The following PRIM2 variants were observed in gnomAD, a reference collection of about 807,000 sequenced individuals.
The protein encoded by PRIM2 is DNA primase subunit 2.
PRIM2 carries 39 observed loss-of-function variants against 67.3 expected under a neutral mutation model. The ratio of observed to expected loss-of-function variants is 0.58; its 90% CI spans 0.45 to 0.76. The LOEUF is 0.76. Among genes scored for constraint, PRIM2 ranks in the 30% least tolerant of loss-of-function variants. PRIM2 has a pLI of 0.00. For missense variants in PRIM2, 398 were observed against 598.7 expected, an observed-to-expected ratio of 0.66 and a Z score of 3.50; for synonymous variants, 143 against 198.7, an observed-to-expected ratio of 0.72 and a Z score of 2.36.
At chr6:57,225,601 G>A in the PRIM2 span, among the ~76,000 whole-genome samples, 1 of 152,172 alleles carries the variant, frequency 6.6e-6, no homozygotes, top group Non-Finnish European at 1.5e-5. Flanking sequence ...TTAAATGATT[G>A]TTTGAATCTA....
At chr6:57,368,964 C>T (rs1769457675) in intron 5 of PRIM2, among the ~76,000 whole-genome samples, 1 of 152,164 alleles carries the variant, frequency 6.6e-6, no homozygotes, top group Non-Finnish European at 1.5e-5. Flanking sequence ...TCACCAGTTG[C>T]TGCGGCAAAA....
chr6:57,422,069 G>T (rs971024982), intron 7 of PRIM2, among the ~76,000 whole-genome samples: 2 of 150,788 alleles, frequency 1.3e-5, no homozygotes, highest in African/African-American at 4.9e-5. Flanking sequence ...TTCATCAAAC[G>T]TACAGTTTAA....
At chr6:57,381,949 GTTTATAC>G (rs1769971394) in intron 6 of PRIM2, 75 bp from the exon 7 acceptor site, 18 of 1,402,766 alleles carry the variant, frequency 1.3e-5, no homozygotes, top group South Asian at 9.3e-5. Context: ...GAATTTCTTT[GTTTATAC>G]TTTATACATA....
At chr6:57,317,089 T>TG (rs1230389634), upstream of PRIM2, among the ~76,000 whole-genome samples, 2 of 152,236 alleles carry the variant, frequency 1.3e-5, no homozygotes, top group Non-Finnish European at 2.9e-5. Context: ...ACGAGGATCT[T>TG]GTAACTTGTT....
At chr6:57,643,285 G>C (rs1207279543) in intron 13 of PRIM2, among the ~76,000 whole-genome samples, 354 of 152,216 alleles carry the variant, frequency 2.3e-3, no homozygotes, top group Non-Finnish European at 3.8e-3. Context: ...TCTAATCTTT[G>C]TAGCCAAGTT....
At chr6:57,520,694 G>GTA (rs1581967112) in intron 8 of PRIM2, among the ~76,000 whole-genome samples, 1 of 152,096 alleles carries the variant, frequency 6.6e-6, no homozygotes, top group African/African-American at 2.4e-5. Context: ...CGTTTAAAGG[G>GTA]TATAGTTCAA....
the PRIM2 span, among the ~76,000 whole-genome samples, chr6:57,306,670 C>G: frequency 6.6e-6 from 1 of 152,106 alleles, no homozygotes; most frequent in Non-Finnish European, 1.5e-5. Context: ...GAAACCTCAG[C>G]CTCTATTACA....
intron 8 of PRIM2, among the ~76,000 whole-genome samples, chr6:57,511,817 T>G (rs1774375286): frequency 6.6e-6 from 1 of 152,174 alleles, no homozygotes; most frequent in African/African-American, 2.4e-5. Flanking sequence ...ATTTTAAGCT[T>G]GAGATACCTG....
chr6:57,594,878 AG>A, intron 10 of PRIM2, among the ~76,000 whole-genome samples: 1 of 152,360 alleles, frequency 6.6e-6, no homozygotes, highest in African/African-American at 2.4e-5. Flanking sequence ...ATTTGACAAA[AG>A]GCTTGTGTCC....
the PRIM2 span, among the ~76,000 whole-genome samples, chr6:57,225,845 A>C: frequency 6.6e-6 from 1 of 152,200 alleles, no homozygotes; most frequent in Non-Finnish European, 1.5e-5. Flanking sequence ...TCTGGAAAAA[A>C]CTAGTAGAAA....
intron 8 of PRIM2, among the ~76,000 whole-genome samples, chr6:57,521,425 A>G (rs1240333231): frequency 1.9e-4 from 27 of 141,910 alleles, no homozygotes; most frequent in Non-Finnish European, 3.3e-4. Flanking sequence ...TGTGATTGCA[A>G]AAAATAGATA....
the PRIM2 span, among the ~76,000 whole-genome samples, chr6:57,278,129 C>A: frequency 6.6e-6 from 1 of 151,990 alleles, no homozygotes; most frequent in Non-Finnish European, 1.5e-5. Flanking sequence ...GAGTTTGAGA[C>A]CATCCTGGCC....
At chr6:57,247,821 G>A in the PRIM2 span, among the ~76,000 whole-genome samples, 1 of 152,034 alleles carries the variant, frequency 6.6e-6, no homozygotes, top group Non-Finnish European at 1.5e-5. Context: ...CCTACTATTT[G>A]GGCTTTTAAA....
At chr6:57,624,526 ATCT>A (rs1376709156) in intron 12 of PRIM2, among the ~76,000 whole-genome samples, 2 of 152,212 alleles carry the variant, frequency 1.3e-5, no homozygotes, top group East Asian at 3.9e-4. Context: ...GAGGGGAAAG[ATCT>A]TCTGTTGAAG....
chr6:57,418,450 G>A (rs1581887074), intron 7 of PRIM2, among the ~76,000 whole-genome samples: 1 of 128,624 alleles, frequency 7.8e-6, no homozygotes, highest in Non-Finnish European at 1.6e-5. Context: ...AGGCTGGAGT[G>A]CAGTGGCATA....
chr6:57,624,218 T>G (rs1478410760), intron 12 of PRIM2, among the ~76,000 whole-genome samples: 1 of 152,176 alleles, frequency 6.6e-6, no homozygotes, highest in Admixed American at 6.5e-5. Flanking sequence ...TACATGTGTC[T>G]TCTTGTTTGT....
chr6:57,291,133 A>T, the PRIM2 span, among the ~76,000 whole-genome samples: 18 of 152,154 alleles, frequency 1.2e-4, no homozygotes, highest in Admixed American at 2.6e-4. Context: ...AGAGAGAAGA[A>T]TCAAGTAGAC....
chr6:57,446,085 T>G (rs547732392), intron 7 of PRIM2, among the ~76,000 whole-genome samples: 1 of 152,370 alleles, frequency 6.6e-6, no homozygotes, highest in East Asian at 1.9e-4. Context: ...GGTAATTCAC[T>G]CTGAGGAGTA....
At chr6:57,558,230 T>A (rs1381799435) in intron 10 of PRIM2, among the ~76,000 whole-genome samples, 1 of 152,200 alleles carries the variant, frequency 6.6e-6, no homozygotes, top group African/African-American at 2.4e-5. Flanking sequence ...GTCTGATACA[T>A]AGCAAATGAT....
Sources: gnomAD v4.1 joint callset for allele counts (sites outside exome capture counted in the v4.1 genomes callset) on GRCh38, gnomAD v4.1.1 for gene constraint, MANE v1.5 for transcripts, NCBI Gene and HGNC (gene_info 2026-07-23, HGNC 2026-07-21) for gene names.